The following EFR3B variants were observed in gnomAD, a reference collection of about 807,000 sequenced individuals.
EFR3B encodes the protein EFR3 homolog B.
A neutral mutation model predicts 104.7 loss-of-function variants in EFR3B; 64 were observed. That is an observed-to-expected ratio of 0.61 (90% CI 0.50 to 0.75). The LOEUF is 0.75. EFR3B is among the 30% of genes least tolerant of loss of function. The probability of loss-of-function intolerance (pLI) is 0.00; values close to 1 mark genes in which losing one functional copy is unlikely to be tolerated. For synonymous variants in EFR3B, 385 were observed against 417.9 expected (o/e 0.92, Z 0.96); for missense variants, 750 against 1,078.5 (o/e 0.70, Z 4.27).
At chr2:25,143,644 G>C in intron 17 of EFR3B, 91 bp from the exon 18 acceptor site, 1 of 1,477,674 alleles carries the variant, frequency 6.8e-7, no homozygotes, top group Non-Finnish European at 9.1e-7. Flanking sequence ...TGGGCGACAA[G>C]AGCAAAACCC....
At chr2:25,117,838 A>C (rs1375425435) in intron 4 of EFR3B, among the ~76,000 whole-genome samples, 1 of 152,230 alleles carries the variant, frequency 6.6e-6, no homozygotes, top group Non-Finnish European at 1.5e-5. Flanking sequence ...GGCTAGAGGA[A>C]GCAGAAGGCA....
intron 6 of EFR3B, among the ~76,000 whole-genome samples, chr2:25,128,855 C>T (rs887699459): frequency 6.7e-6 from 1 of 149,894 alleles, no homozygotes; most frequent in Non-Finnish European, 1.5e-5. Context: ...CCCAGCTACT[C>T]GGGAGGCTGA....
chr2:25,126,363 CTT>C (rs869190804), intron 5 of EFR3B, among the ~76,000 whole-genome samples: 52 of 143,404 alleles, frequency 3.6e-4, no homozygotes, highest in Non-Finnish European at 3.2e-4. Flanking sequence ...TAATTTCTTT[CTT>C]TTTTTTTTTT....
intron 4 of EFR3B, among the ~76,000 whole-genome samples, chr2:25,106,363 C>T (rs2149192959): frequency 6.6e-6 from 1 of 152,146 alleles, no homozygotes; most frequent in South Asian, 2.1e-4. Context: ...GATCTCGGCT[C>T]ACTGCAACCT....
intron 1 of EFR3B, among the ~76,000 whole-genome samples, chr2:25,065,212 G>A (rs1252899743): frequency 6.6e-6 from 1 of 151,988 alleles, no homozygotes; most frequent in African/African-American, 2.4e-5. Flanking sequence ...ACAAGGTCTC[G>A]CTCTGTCACC....
chr2:25,144,481 T>C (rs561564425), intron 18 of EFR3B, among the ~76,000 whole-genome samples: 2 of 152,082 alleles, frequency 1.3e-5, no homozygotes, highest in East Asian at 3.9e-4. Context: ...GAGGCAAAGA[T>C]TGCAGTGAGC....
intron 5 of EFR3B, among the ~76,000 whole-genome samples, chr2:25,126,597 T>G (rs1670175569): frequency 6.6e-6 from 1 of 151,988 alleles, no homozygotes; most frequent in South Asian, 2.1e-4. Flanking sequence ...TGACCTCAGG[T>G]GATCCACCCA....
At chr2:25,077,487 C>A (rs1006291325) in intron 1 of EFR3B, among the ~76,000 whole-genome samples, 1 of 152,164 alleles carries the variant, frequency 6.6e-6, no homozygotes, top group Admixed American at 6.5e-5. Flanking sequence ...GATGGGGTTT[C>A]ACCATGTTGG....
At chr2:25,149,267 G>C (rs903929538) in intron 19 of EFR3B, among the ~76,000 whole-genome samples, 2 of 152,120 alleles carry the variant, frequency 1.3e-5, no homozygotes, top group Non-Finnish European at 2.9e-5. Context: ...AGAATCACTT[G>C]AACCCAGGAG....
intron 4 of EFR3B, among the ~76,000 whole-genome samples, chr2:25,113,198 A>G (rs1669768573): frequency 6.6e-6 from 1 of 152,134 alleles, no homozygotes; most frequent in South Asian, 2.1e-4. Flanking sequence ...TGCTATGGCG[A>G]CTTTCCTCAT....
At chr2:25,054,232 A>AG (rs749223499) in intron 1 of EFR3B, among the ~76,000 whole-genome samples, 37 of 152,286 alleles carry the variant, frequency 2.4e-4, no homozygotes, top group Middle Eastern at 3.4e-3. Flanking sequence ...AGGATGTATG[A>AG]GGGGGGTCAA....
At chr2:25,121,977 T>G (rs929548745) in intron 5 of EFR3B, among the ~76,000 whole-genome samples, 183 bp downstream of exon 5, 4 of 151,920 alleles carry the variant, frequency 2.6e-5, no homozygotes, top group African/African-American at 9.7e-5. Flanking sequence ...TTTTTTTTTT[T>G]TCTTTTTGAG....
At chr2:25,090,714 ATGT>A (rs1467475766) in intron 1 of EFR3B, among the ~76,000 whole-genome samples, 1 of 152,202 alleles carries the variant, frequency 6.6e-6, no homozygotes, top group African/African-American at 2.4e-5. Context: ...GTTGATGATG[ATGT>A]TAATTTTATC....
chr2:25,116,460 C>T (rs1419938695), intron 4 of EFR3B, among the ~76,000 whole-genome samples: 5 of 152,138 alleles, frequency 3.3e-5, no homozygotes, highest in East Asian at 3.9e-4. Flanking sequence ...CCCGTCTCTA[C>T]TAAAAATACA....
Position 25,131,959 on chromosome 2 carries a change from TG to T in EFR3B, c.1147+52del. On this transcript the variant is annotated intron_variant, in intron 10 of 22. Transcript: ENST00000403714. The surrounding 1 kb of genome is among the most constrained non-coding windows in gnomAD (Gnocchi z 7.6). The stretch of plus-strand genomic sequence containing the variant: ...GGCGGGGCGGGGCCGAGGCGCGGAG[TG>T]GGGAGGGGAGGGGAGGGACGGGACG... The T allele has an allele frequency of 2.5e-5, 1 of 40,090 alleles. No homozygotes were observed. The allele number at this position is 40,090 out of a possible 1,614,324, so 2.5% of individuals were successfully genotyped here. A position where few individuals can be genotyped will look rare whatever the true frequency, so the allele number is the denominator to read the frequency against.
intron 4 of EFR3B, among the ~76,000 whole-genome samples, chr2:25,119,489 C>G (rs527398437): frequency 1.3e-5 from 2 of 152,362 alleles, no homozygotes; most frequent in South Asian, 4.1e-4. Context: ...CTTATGAAGG[C>G]CAGGCAGCCG....
intron 19 of EFR3B, chr2:25,145,681 A>G (rs1282701103): frequency 6.6e-6 from 1 of 152,504 alleles, no homozygotes; most frequent in Non-Finnish European, 1.5e-5. Flanking sequence ...AAGGGTGAGA[A>G]CAGCTTTCAT....
intron 1 of EFR3B, among the ~76,000 whole-genome samples, chr2:25,049,117 C>T (rs1340746837): frequency 6.6e-6 from 1 of 152,218 alleles, no homozygotes; most frequent in Non-Finnish European, 1.5e-5. Flanking sequence ...CCATTATACT[C>T]CTACTAGCAG....
chr2:25,051,844 T>C (rs1667879572), intron 1 of EFR3B, among the ~76,000 whole-genome samples: 1 of 150,678 alleles, frequency 6.6e-6, no homozygotes, highest in Admixed American at 6.6e-5. Context: ...TTCACCATGT[T>C]GGCCAGGCTG....
Sources: allele counts gnomAD v4.1 joint callset (sites outside exome capture counted in the v4.1 genomes callset), GRCh38; gene constraint gnomAD v4.1.1; non-coding constraint Gnocchi (gnomAD v3.1); transcripts MANE v1.5; gene names NCBI Gene and HGNC (gene_info 2026-07-23, HGNC 2026-07-21).